The following SYNPO variants were observed in gnomAD, a reference collection of about 807,000 sequenced individuals.
SYNPO encodes synaptopodin.
A neutral mutation model predicts 49.5 loss-of-function variants in SYNPO; 19 were observed. The observed-to-expected ratio is 0.38, with a 90% confidence interval of 0.27 to 0.56. The LOEUF (loss-of-function observed/expected upper bound fraction) is 0.56. SYNPO is among the 20% of genes least tolerant of loss of function. SYNPO has a pLI of 0.68. For missense variants in SYNPO, 1,131 were observed against 1,248.3 expected, an observed-to-expected ratio of 0.91 and a Z score of 1.42; for synonymous variants, 536 against 548.0, an observed-to-expected ratio of 0.98 and a Z score of 0.31.
chr5:150,656,534 C>T lies in SYNPO; in HGVS notation c.2159C>T (p.Pro720Leu). Reference sequence around the variant, plus strand: ...CGCGGGAGCAGCATGAGCAGCCCCCCGCCGCTGCCGCCGCCACCGCCCATG... The same window carrying T: ...CGCGGGAGCAGCATGAGCAGCCCCCTGCCGCTGCCGCCGCCACCGCCCATG... ...PGRGSSMSSPPPLPPPPPMSP... is the reference protein window; with the variant it reads ...PGRGSSMSSPLPLPPPPPMSP... Residue 720 changes from proline (P) to leucine (L), a missense_variant, in exon 3 of 3, where the codon CCG (proline) becomes CTG (leucine). Around this residue, in one of 4 missense-constraint regions of SYNPO, gnomAD observed 509 missense variants for 484.5 expected, o/e 1.05. Coordinates refer to ENST00000307662, the MANE Select transcript of SYNPO (RefSeq NM_007286.6). 1 of 1,528,482 alleles carries T rather than the reference C, an allele frequency of 6.5e-7. No individual in the cohort carries two copies. The highest frequency in any genetic ancestry group is 8.7e-7 in the Non-Finnish European group (1 of 1,144,012). 94.7% of individuals were successfully genotyped at this position (1,528,482 alleles called of 1,614,324 possible).
chr5:150,642,027 G>A (rs1476670393), intron 1 of SYNPO, among the ~76,000 whole-genome samples: 1 of 152,224 alleles, frequency 6.6e-6, no homozygotes, highest in African/African-American at 2.4e-5. Flanking sequence ...CATAAGTTGT[G>A]TGACCCTGGG....
intron 2 of SYNPO, among the ~76,000 whole-genome samples, chr5:150,629,964 G>A (rs1393689060): frequency 6.6e-6 from 1 of 152,046 alleles, no homozygotes; most frequent in Non-Finnish European, 1.5e-5. Flanking sequence ...AGTGCCAGGG[G>A]CTCAGAAAAA....
intron 2 of SYNPO, among the ~76,000 whole-genome samples, chr5:150,635,628 C>G (rs1554109558): frequency 6.6e-6 from 1 of 152,160 alleles, no homozygotes; most frequent in Non-Finnish European, 1.5e-5. Flanking sequence ...GCTACTATGC[C>G]TGGCAAATAT....
intron 2 of SYNPO, chr5:150,624,842 G>C (rs548656363): frequency 1.0e-6 from 1 of 984,452 alleles, no homozygotes; most frequent in Non-Finnish European, 1.2e-6. Context: ...GCGCGCTGAC[G>C]GACGCGGCCA....
upstream of SYNPO, among the ~76,000 whole-genome samples, chr5:150,599,541 C>CT (rs1756484588): frequency 1.3e-5 from 2 of 152,206 alleles, no homozygotes. Flanking sequence ...GCCCAGCCCC[C>CT]TTACCACCAG....
At chr5:150,609,215 C>G (rs898854855) in intron 1 of SYNPO, among the ~76,000 whole-genome samples, 1 of 152,238 alleles carries the variant, frequency 6.6e-6, no homozygotes, top group Non-Finnish European at 1.5e-5. Context: ...CTGGCTTCAG[C>G]ACACAGCTGG....
chr5:150,611,097 T>C (rs1416805281), intron 1 of SYNPO, among the ~76,000 whole-genome samples: 1 of 152,190 alleles, frequency 6.6e-6, no homozygotes, highest in African/African-American at 2.4e-5. Flanking sequence ...ATTTGTTATG[T>C]TCATAGCAGT....
upstream of SYNPO, among the ~76,000 whole-genome samples, chr5:150,637,386 T>C (rs963027448): frequency 6.6e-6 from 1 of 152,138 alleles, no homozygotes; most frequent in Non-Finnish European, 1.5e-5. Flanking sequence ...GAGGATAAAA[T>C]AAAACAACAT....
At chr5:150,605,841 C>T (rs1320461628) in intron 1 of SYNPO, among the ~76,000 whole-genome samples, 4 of 151,870 alleles carry the variant, frequency 2.6e-5, no homozygotes, top group Non-Finnish European at 4.4e-5. Context: ...AATATAGGCA[C>T]AAACGCACGA....
At position 150,620,926 on chromosome 5, in the gene SYNPO, TTTCTTTCTTTCTTTC is replaced by T. The variant is rs1363848734; in HGVS notation, c.400+2162_400+2176del. 7.1e-4 allele frequency among the ~76,000 whole-genome samples: 102 copies of T among 144,344 alleles called. 1 individual carries two copies. Among genetic ancestry groups the T allele is most frequent in the African/African-American group, 2.3e-3 (87 of 37,840 alleles). 94.7% of individuals were successfully genotyped at this position (144,344 alleles called of 152,430 possible). A position where few individuals can be genotyped will look rare whatever the true frequency, so the allele number is the denominator to read the frequency against. On this transcript the variant is annotated intron_variant, in intron 2 of 2. Coordinates refer to the SYNPO transcript ENST00000394243. ...CTTTCTTTCTTTCTTTCTTTCTTTC[TTTCTTTCTTTCTTTC>T]TTTCTTTTCTTTTCTTTTTTTTTTT...
At chr5:150,624,384 T>TTA (rs1757275610) in intron 2 of SYNPO, among the ~76,000 whole-genome samples, 1 of 151,400 alleles carries the variant, frequency 6.6e-6, no homozygotes, top group African/African-American at 2.4e-5. Flanking sequence ...GGGTAGTGGG[T>TTA]GGGTTAGAGA....
At chr5:150,611,049 G>C (rs1021755557) in intron 1 of SYNPO, among the ~76,000 whole-genome samples, 1 of 152,142 alleles carries the variant, frequency 6.6e-6, no homozygotes, top group Admixed American at 6.6e-5. Context: ...AACTTGAAAT[G>C]CATATGCTAT....
In SYNPO at chr5:150,647,676, CAG is replaced by C. The variant is rs532983232; in HGVS notation, c.-332-267_-332-266del. On this transcript the variant is annotated intron_variant, in intron 1 of 2. Transcript: ENST00000307662. ...GGTAAAGTGCCATATCAGCAACTGT[CAG>C]GGGGATTCCAAATCAGGGACCAGTT... Among the ~76,000 whole-genome samples the C allele has an allele frequency of 1.9e-4, 29 of 152,312 alleles. 1 individual carries two copies. The highest frequency in any genetic ancestry group is 5.9e-4 in the Admixed American group (9 of 15,304).
chr5:150,600,111 C>G (rs777778128), upstream of SYNPO, among the ~76,000 whole-genome samples: 1 of 152,264 alleles, frequency 6.6e-6, no homozygotes, highest in Non-Finnish European at 1.5e-5. Flanking sequence ...TCAGACCTCT[C>G]TGGGCCTCTG....
At chr5:150,601,644 GA>G (rs1756545817) in intron 1 of SYNPO, among the ~76,000 whole-genome samples, 2 of 152,200 alleles carry the variant, frequency 1.3e-5, no homozygotes, top group South Asian at 4.1e-4. Flanking sequence ...TTGCAGGGCT[GA>G]AGTGGCCTCC....
intron 2 of SYNPO, among the ~76,000 whole-genome samples, chr5:150,626,222 A>G (rs552222472): frequency 1.2e-4 from 19 of 152,222 alleles, no homozygotes; most frequent in African/African-American, 4.6e-4. Context: ...CTCCCCCACT[A>G]CTTGCCATAT....
the SYNPO span, among the ~76,000 whole-genome samples, chr5:150,588,279 G>T: frequency 6.6e-6 from 1 of 152,128 alleles, no homozygotes; most frequent in Non-Finnish European, 1.5e-5. Flanking sequence ...CCACTCTCTG[G>T]TGTGCCCCGG....
At chr5:150,594,562 C>T in the SYNPO span, among the ~76,000 whole-genome samples, 3 of 152,196 alleles carry the variant, frequency 2.0e-5, no homozygotes, top group African/African-American at 7.2e-5. Context: ...ATTCCTTCCC[C>T]TCTCCCTGGG....
chr5:150,649,090 C>T lies in SYNPO; in HGVS notation c.815C>T (p.Pro272Leu), dbSNP rs773107467. The change falls in exon 2 of 3, where the codon CCC becomes CTC. Residue 272 changes from proline to leucine, a missense_variant. Physicochemically the swap from Pro to Leu is moderately conservative, Grantham distance 98. Transcript: ENST00000307662. ...CATTTTGGGGAGAAGGCCCCGGCTCCCCAGCCCCCCAGTTTGCCAGACAGG... is the reference window on the plus strand; with the variant it reads ...CATTTTGGGGAGAAGGCCCCGGCTCTCCAGCCCCCCAGTTTGCCAGACAGG... ...RRHFGEKAPA[P>L]QPPSLPDRSP... 3 of 1,613,862 alleles carry T rather than the reference C, an allele frequency of 1.9e-6. No individual in the cohort carries two copies. Among genetic ancestry groups the T allele is most frequent in the East Asian group, 2.2e-5 (1 of 44,868 alleles).
Sources: gnomAD v4.1 joint callset for allele counts (sites outside exome capture counted in the v4.1 genomes callset) on GRCh38, gnomAD v4.1.1 for gene constraint, gnomAD v4.1.1 regional missense constraint, MANE v1.5 for transcripts, NCBI Gene and HGNC (gene_info 2026-07-23, HGNC 2026-07-21) for gene names.